The following DNAI1 variants were observed in gnomAD, a reference collection of about 807,000 sequenced individuals.
DNAI1 encodes the protein dynein axonemal intermediate chain 1, also known as dynein, axonemal, intermediate polypeptide 1.
A neutral mutation model predicts 92.0 loss-of-function variants in DNAI1; 67 were observed. The ratio of observed to expected loss-of-function variants is 0.73; its 90% CI spans 0.60 to 0.89. The LOEUF is 0.89. Ranked by LOEUF, DNAI1 falls within the 40% of genes least tolerant of loss-of-function variation. The pLI, the probability that DNAI1 is intolerant of heterozygous loss-of-function variation, is 0.00. For missense variants in DNAI1, 839 were observed against 866.6 expected, an observed-to-expected ratio of 0.97 and a Z score of 0.40; for synonymous variants, 323 against 319.6, an observed-to-expected ratio of 1.01 and a Z score of -0.11.
intron 9 of DNAI1, among the ~76,000 whole-genome samples, chr9:34,493,868 T>C (rs1039222922): frequency 6.6e-6 from 1 of 152,106 alleles, no homozygotes; most frequent in African/African-American, 2.4e-5. Context: ...TGAAGAGCCA[T>C]GTAGAAGTCA....
chr9:34,486,095 A>T (rs1824464681), intron 4 of DNAI1, among the ~76,000 whole-genome samples: 1 of 152,160 alleles, frequency 6.6e-6, no homozygotes. Context: ...ATAGGGGACA[A>T]TACTCTTTTC....
rs567346433 is a variant in DNAI1 at position 34,506,825 on chromosome 9, CCTT to C, written c.1265_1267del (p.Phe422del). On this transcript the variant is annotated inframe_deletion, in exon 13 of 20. Transcript: ENST00000242317. ...CTCAAGAAGCCCCACTCCCAGCCCT[CCTT>C]CTGCAGCTCAGCCAAGTCTGGCAAG... 703 of 1,614,180 alleles carry C rather than the reference CCTT, an allele frequency of 4.4e-4. 2 individuals are homozygous for C. The African/African-American group carries it at 7.9e-3, about 18-fold the overall frequency.
At chr9:34,475,987 GTAA>G (rs1306663685) in intron 1 of DNAI1, among the ~76,000 whole-genome samples, 1 of 152,174 alleles carries the variant, frequency 6.6e-6, no homozygotes, top group African/African-American at 2.4e-5. Flanking sequence ...CCAGTAGGTG[GTAA>G]TAATAATTAT....
intron 8 of DNAI1, among the ~76,000 whole-genome samples, chr9:34,492,014 T>G (rs374482390): frequency 6.6e-6 from 1 of 152,112 alleles, no homozygotes; most frequent in Admixed American, 6.5e-5. Context: ...GAACAGGATA[T>G]GGTGCCAGGA....
intron 1 of DNAI1, among the ~76,000 whole-genome samples, chr9:34,480,700 T>C (rs1824335079): frequency 6.6e-6 from 1 of 152,098 alleles, no homozygotes; most frequent in Non-Finnish European, 1.5e-5. Flanking sequence ...TCCCAGCACA[T>C]TGGGAGGCTG....
At chr9:34,470,512 T>C (rs566379582) in intron 1 of DNAI1, among the ~76,000 whole-genome samples, 323 of 152,132 alleles carry the variant, frequency 2.1e-3, no homozygotes, top group African/African-American at 7.1e-3. Context: ...CAGAGATAAA[T>C]GGGGACATTT....
In DNAI1 at chr9:34,490,468, A is replaced by T. The variant is rs764611383; in HGVS notation, c.601A>T (p.Thr201Ser). Residue 201 changes from threonine (T) to serine (S), a missense_variant, in exon 7 of 20, where the codon ACC (threonine) becomes TCC (serine). Physicochemically the swap from Thr to Ser is moderately conservative, Grantham distance 58. Coordinates refer to ENST00000242317, the MANE Select transcript of DNAI1 (RefSeq NM_012144.4). ...CAACTTCAGTGAGAGGGCCTCACAG[A>T]CCTACAACAACCCTGTCCGGGTAGA... ...QFNFSERASQ[T>S]YNNPVRDREC... 1.2e-6 allele frequency: 2 copies of T among 1,614,146 alleles called. No individual in the cohort carries two copies. The highest frequency in any genetic ancestry group is 8.5e-7 in the Non-Finnish European group (1 of 1,180,026).
intron 1 of DNAI1, among the ~76,000 whole-genome samples, chr9:34,468,381 G>A (rs1269159944): frequency 6.6e-6 from 1 of 151,324 alleles, no homozygotes; most frequent in African/African-American, 2.4e-5. Flanking sequence ...AGTAGAGACG[G>A]GGTTTCACCA....
At chr9:34,465,741 T>C (rs772617544) in intron 1 of DNAI1, among the ~76,000 whole-genome samples, 2 of 152,254 alleles carry the variant, frequency 1.3e-5, no homozygotes, top group East Asian at 1.9e-4. Flanking sequence ...AAGTTGATGC[T>C]GAGGAGTAAT....
At chr9:34,495,227 G>A (rs1824697317) in intron 9 of DNAI1, among the ~76,000 whole-genome samples, 1 of 152,168 alleles carries the variant, frequency 6.6e-6, no homozygotes, top group African/African-American at 2.4e-5. Flanking sequence ...GGCTGCTCCA[G>A]TAGCATAGTA....
At chr9:34,486,620 T>G (rs1279009590) in intron 4 of DNAI1, among the ~76,000 whole-genome samples, 1 of 152,140 alleles carries the variant, frequency 6.6e-6, no homozygotes, top group African/African-American at 2.4e-5. Context: ...TTTGAAAATT[T>G]TATTGAGATT....
At chr9:34,494,770 C>T (rs975389339) in intron 9 of DNAI1, among the ~76,000 whole-genome samples, 6 of 152,194 alleles carry the variant, frequency 3.9e-5, no homozygotes, top group African/African-American at 1.4e-4. Flanking sequence ...CAAGCAGATT[C>T]CAGCCCTCTG....
chr9:34,487,331 G>A (rs374717067), intron 4 of DNAI1, among the ~76,000 whole-genome samples: 3 of 151,932 alleles, frequency 2.0e-5, no homozygotes, highest in South Asian at 2.1e-4. Context: ...GACTACAGGC[G>A]CCCGCCACCA....
chr9:34,481,288 A>G (rs1186539846), intron 1 of DNAI1, among the ~76,000 whole-genome samples: 1 of 152,236 alleles, frequency 6.6e-6, no homozygotes, highest in Non-Finnish European at 1.5e-5. Context: ...ATTGCCTGGT[A>G]CAGAGATGAA....
intron 12 of DNAI1, among the ~76,000 whole-genome samples, chr9:34,502,325 C>T (rs1182314324): frequency 2.6e-5 from 4 of 152,152 alleles, no homozygotes; most frequent in African/African-American, 7.2e-5. Flanking sequence ...CCCCCTCTGG[C>T]AGGGAACTAG....
intron 11 of DNAI1, 103 bp downstream of exon 11, chr9:34,500,942 G>A (rs1824820150): frequency 9.4e-7 from 1 of 1,065,110 alleles, no homozygotes; most frequent in Non-Finnish European, 1.5e-6. Flanking sequence ...TATGACATGT[G>A]ACAGTATAGA....
chr9:34,474,437 A>G (rs1265672537), intron 1 of DNAI1, among the ~76,000 whole-genome samples: 1 of 150,136 alleles, frequency 6.7e-6, no homozygotes, highest in Non-Finnish European at 1.5e-5. Flanking sequence ...AAGTCTCACT[A>G]TGTTGCCCAG....
intron 1 of DNAI1, among the ~76,000 whole-genome samples, chr9:34,464,882 G>C (rs554977214): frequency 2.6e-5 from 4 of 152,214 alleles, no homozygotes; most frequent in African/African-American, 7.2e-5. Context: ...GAAGACTTCT[G>C]GGGGGACCAC....
intron 1 of DNAI1, among the ~76,000 whole-genome samples, chr9:34,474,751 T>G (rs1824208175): frequency 6.6e-6 from 1 of 151,874 alleles, no homozygotes; most frequent in South Asian, 2.1e-4. Context: ...GTATTTTTAG[T>G]AGAGACAGGG....
Sources: gnomAD v4.1 joint callset for allele counts (sites outside exome capture counted in the v4.1 genomes callset) on GRCh38, gnomAD v4.1.1 for gene constraint, MANE v1.5 for transcripts, NCBI Gene and HGNC (gene_info 2026-07-23, HGNC 2026-07-21) for gene names.